CLIC4: variants seen among roughly 807,000 people sequenced by gnomAD.
CLIC4 encodes chloride intracellular channel protein 4.
A neutral mutation model predicts 24.6 loss-of-function variants in CLIC4; 13 were observed. That is an observed-to-expected ratio of 0.53 (90% CI 0.34 to 0.84). The LOEUF (loss-of-function observed/expected upper bound fraction) is 0.84. Among genes scored for constraint, CLIC4 ranks in the 40% least tolerant of loss-of-function variants. CLIC4 has a pLI of 0.01. For synonymous variants in CLIC4, 104 were observed against 111.3 expected (o/e 0.93, Z 0.41); for missense variants, 227 against 301.7 (o/e 0.75, Z 1.83).
intron 1 of CLIC4, among the ~76,000 whole-genome samples, chr1:24,756,288 C>T (rs771871584): frequency 5.3e-5 from 8 of 152,140 alleles, no homozygotes; most frequent in Non-Finnish European, 4.4e-5. Context: ...CGTGAGCCAC[C>T]GCGCCCTGCT....
rs1639955458 is a variant in CLIC4, at chr1:24,842,679, A to AT, written c.*1742_*1743insT. ...TCTTAGAACTCTTTATTGCTTATCA[A>AT]AAGTTTGAGTACCCGCTTGGTTTTT... On this transcript the variant is annotated 3_prime_UTR_variant, in exon 6 of 6. Transcript: ENST00000374379. 6.6e-6 allele frequency: 1 copy of AT among 152,160 alleles called. No homozygotes were observed. The highest frequency in any genetic ancestry group is 1.5e-5 in the Non-Finnish European group (1 of 68,024). 9.4% of individuals were successfully genotyped at this position (152,160 alleles called of 1,614,324 possible). A position where few individuals can be genotyped will look rare whatever the true frequency, so the allele number is the denominator to read the frequency against.
chr1:24,840,853 T>G lies in CLIC4; in HGVS notation c.678T>G (p.Ser226Arg). The G allele has an allele frequency of 6.2e-7, 1 of 1,613,054 alleles. No individual in the cohort carries two copies. Among genetic ancestry groups the G allele is most frequent in the Non-Finnish European group, 8.5e-7 (1 of 1,179,434 alleles). The change falls in exon 6 of 6, where the codon AGT (serine) becomes AGG (arginine). Residue 226 changes from serine to arginine, a missense_variant. Physicochemically the swap from Ser to Arg is moderately radical, Grantham distance 110. Coordinates refer to ENST00000374379, the MANE Select transcript of CLIC4 (RefSeq NM_013943.3). The part of the protein sequence containing the change: ...GIWRYLTNAY[S>R]RDEFTNTCPS... ...GGAGATACCTAACTAATGCATACAGTAGGGACGAGTTCACCAATACCTGTC... is the reference window on the plus strand; with the variant it reads ...GGAGATACCTAACTAATGCATACAGGAGGGACGAGTTCACCAATACCTGTC...
chr1:24,759,644 A>G (rs1638894798), intron 1 of CLIC4, among the ~76,000 whole-genome samples: 1 of 152,164 alleles, frequency 6.6e-6, no homozygotes, highest in Non-Finnish European at 1.5e-5. Flanking sequence ...ACTGCTTATT[A>G]TCAGTTGTTT....
intron 1 of CLIC4, among the ~76,000 whole-genome samples, chr1:24,761,318 A>G (rs1328783170): frequency 2.6e-5 from 4 of 152,174 alleles, no homozygotes; most frequent in South Asian, 2.1e-4. Context: ...GTAGGTTATT[A>G]TATCAAAGAA....
rs975644740 is a variant in CLIC4 at position 24,844,199 on chromosome 1, T to G, written c.*3262T>G. ...TAGAATGCATGTATTTTCTTTTATC[T>G]TTGGAACATCAGCACCAGTATATTG... On this transcript the variant is annotated 3_prime_UTR_variant, in exon 6 of 6. Coordinates refer to ENST00000374379, the MANE Select transcript of CLIC4 (RefSeq NM_013943.3). 6.6e-6 allele frequency: 1 copy of G among 152,658 alleles called. No homozygotes were observed. The highest frequency in any genetic ancestry group is 2.4e-5 in the African/African-American group (1 of 41,460). 9.5% of individuals were successfully genotyped at this position (152,658 alleles called of 1,614,324 possible). A position where few individuals can be genotyped will look rare whatever the true frequency, so the allele number is the denominator to read the frequency against.
At chr1:24,825,486 G>A (rs187280967) in intron 3 of CLIC4, among the ~76,000 whole-genome samples, 1 of 152,334 alleles carries the variant, frequency 6.6e-6, no homozygotes, top group African/African-American at 2.4e-5. Context: ...TGTGGTTAAT[G>A]TATGGCTAGA....
intron 1 of CLIC4, among the ~76,000 whole-genome samples, chr1:24,748,491 G>GGTTTTTT (rs1384325460): frequency 8.1e-5 from 7 of 86,188 alleles, no homozygotes; most frequent in Non-Finnish European, 1.0e-4. Flanking sequence ...ATACAGATCA[G>GGTTTTTT]GTTTTTTGTT....
At chr1:24,768,903 C>CAAAAAAAAA (rs71032856) in intron 1 of CLIC4, among the ~76,000 whole-genome samples, 2 of 107,286 alleles carry the variant, frequency 1.9e-5, no homozygotes, top group Non-Finnish European at 3.8e-5. Context: ...TCTGCCTCAC[C>CAAAAAAAAA]AAAAAAAAAA....
chr1:24,758,509 GTGCAC>G (rs1189185700), intron 1 of CLIC4, among the ~76,000 whole-genome samples: 1 of 151,784 alleles, frequency 6.6e-6, no homozygotes, highest in Non-Finnish European at 1.5e-5. Context: ...CCAGGCTGGG[GTGCAC>G]TGGTGCGATC....
intron 1 of CLIC4, among the ~76,000 whole-genome samples, chr1:24,792,780 T>C (rs1179199937): frequency 1.3e-5 from 2 of 152,172 alleles, no homozygotes; most frequent in Non-Finnish European, 2.9e-5. Flanking sequence ...TGAGAAAATT[T>C]GCTAGAAAAT....
rs200984770 is a variant in CLIC4, at chr1:24,770,730, TTC to T, written c.72+25107_72+25108del. 2.5e-4 allele frequency among the ~76,000 whole-genome samples: 37 copies of T among 150,566 alleles called. No individual in the cohort carries two copies. In the Middle Eastern group the frequency reaches 0.01, roughly 42 times the overall value. On this transcript the variant is annotated intron_variant, in intron 1 of 5. Coordinates refer to ENST00000374379, the MANE Select transcript of CLIC4 (RefSeq NM_013943.3). ...GTCATTTTCCTCACACCAATTCTTC[TTC>T]TTTTTTTTTTGTTTTTTGAGTTGGT... is the stretch of plus-strand genomic sequence containing the variant.
chr1:24,813,037 TC>T (rs1639630386), intron 2 of CLIC4, among the ~76,000 whole-genome samples: 1 of 130,948 alleles, frequency 7.6e-6, no homozygotes, highest in Non-Finnish European at 1.6e-5. Flanking sequence ...TTTCTTTCTT[TC>T]TTTCTTTCTT....
At chr1:24,839,520 C>T (rs527527987) in intron 4 of CLIC4, among the ~76,000 whole-genome samples, 57 of 152,212 alleles carry the variant, frequency 3.7e-4, no homozygotes, top group African/African-American at 1.3e-3. Context: ...AGGATGGTCT[C>T]GATCTCCTGA....
intron 4 of CLIC4, among the ~76,000 whole-genome samples, chr1:24,828,386 A>G (rs1403850946): frequency 6.6e-6 from 1 of 151,948 alleles, no homozygotes; most frequent in Non-Finnish European, 1.5e-5. Context: ...TTCCTGACTA[A>G]TGTTTCTGTC....
At chr1:24,747,055 A>G (rs534767531) in intron 1 of CLIC4, among the ~76,000 whole-genome samples, 12 of 149,976 alleles carry the variant, frequency 8.0e-5, no homozygotes, top group Non-Finnish European at 1.5e-4. Flanking sequence ...TGACTGGAAC[A>G]GTGTTTGCCT....
At chr1:24,808,866 C>G (rs1571255463) in intron 2 of CLIC4, among the ~76,000 whole-genome samples, 1 of 151,830 alleles carries the variant, frequency 6.6e-6, no homozygotes, top group Admixed American at 6.6e-5. Flanking sequence ...TTAGTAGAGA[C>G]AGGGTTTCAC....
intron 2 of CLIC4, among the ~76,000 whole-genome samples, chr1:24,802,937 G>C (rs1639506997): frequency 1.3e-5 from 2 of 151,944 alleles, no homozygotes; most frequent in Admixed American, 6.6e-5. Context: ...TTGAACTCCT[G>C]GGCTCAAGCA....
intron 4 of CLIC4, among the ~76,000 whole-genome samples, chr1:24,837,941 G>T (rs1295560028): frequency 6.6e-6 from 1 of 152,142 alleles, no homozygotes; most frequent in East Asian, 1.9e-4. Flanking sequence ...TGGTTTCGGT[G>T]TTCATTTATG....
At chr1:24,773,471 C>T (rs768309354) in intron 1 of CLIC4, among the ~76,000 whole-genome samples, 3 of 152,028 alleles carry the variant, frequency 2.0e-5, no homozygotes, top group South Asian at 2.1e-4. Flanking sequence ...CACCTATGTC[C>T]CAACATAGTT....
Sources: gnomAD v4.1 joint callset for allele counts (sites outside exome capture counted in the v4.1 genomes callset) on GRCh38, gnomAD v4.1.1 for gene constraint, MANE v1.5 for transcripts, NCBI Gene and HGNC (gene_info 2026-07-23, HGNC 2026-07-21) for gene names.